GKAP1: variants seen among roughly 807,000 people sequenced by gnomAD.
GKAP1 encodes the protein G kinase-anchoring protein 1.
Under a neutral mutation model 56.7 loss-of-function variants are expected in GKAP1, and 31 were observed. The ratio of observed to expected loss-of-function variants is 0.55; its 90% CI spans 0.41 to 0.74. The LOEUF (loss-of-function observed/expected upper bound fraction) is 0.74. GKAP1 is among the 30% of genes least tolerant of loss of function. GKAP1 has a pLI of 0.00. For synonymous variants in GKAP1, 151 were observed against 138.6 expected (o/e 1.09, Z -0.63); for missense variants, 364 against 402.3 (o/e 0.90, Z 0.82).
chr9:83,751,471 C>T (rs1278436664), intron 9 of GKAP1, among the ~76,000 whole-genome samples: 1 of 151,622 alleles, frequency 6.6e-6, no homozygotes, highest in Non-Finnish European at 1.5e-5. Flanking sequence ...TTCTCTGTGT[C>T]TAGTACAAAA....
intron 8 of GKAP1, among the ~76,000 whole-genome samples, chr9:83,762,534 CAGAAAT>C (rs1943591359): frequency 6.6e-6 from 1 of 152,210 alleles, no homozygotes; most frequent in African/African-American, 2.4e-5. Flanking sequence ...ACATTCTTCA[CAGAAAT>C]AGAAAAACAA....
chr9:83,802,926 G>C (rs1944355718), intron 3 of GKAP1, among the ~76,000 whole-genome samples: 1 of 151,852 alleles, frequency 6.6e-6, no homozygotes, highest in Admixed American at 6.6e-5. Context: ...TGAGCAACAT[G>C]ATGAAACCCT....
chr9:83,817,394 C>T (rs1247351092), intron 1 of GKAP1, 123 bp downstream of exon 1: 3 of 151,782 alleles, frequency 2.0e-5, no homozygotes, highest in African/African-American at 7.2e-5. Flanking sequence ...GGGCCCGTCG[C>T]CTCAGGCCGA....
chr9:83,752,904 C>G (rs1379115494), intron 9 of GKAP1, among the ~76,000 whole-genome samples: 1 of 151,860 alleles, frequency 6.6e-6, no homozygotes, highest in African/African-American at 2.4e-5. Context: ...AACTCTGTCT[C>G]TACTAAAAAT....
chr9:83,741,888 CA>C, intron 12 of GKAP1, 63 bp downstream of exon 12: 2 of 969,376 alleles, frequency 2.1e-6, no homozygotes, highest in Admixed American at 4.9e-5. Flanking sequence ...CATTTATTCT[CA>C]CACAGTATCT....
At chr9:83,784,902 G>A (rs1944038738) in intron 5 of GKAP1, 64 bp from the exon 6 acceptor site, 8 of 1,187,336 alleles carry the variant, frequency 6.7e-6, no homozygotes, top group East Asian at 2.7e-5. Context: ...CTCACCAACA[G>A]GTAATATGTT....
In GKAP1 at chr9:83,741,980, A is replaced by G; in HGVS notation, c.1025T>C (p.Val342Ala). The G allele has an allele frequency of 2.5e-6, 4 of 1,593,476 alleles. No individual in the cohort carries two copies. The highest frequency in any genetic ancestry group is 3.4e-6 in the Non-Finnish European group (4 of 1,171,882). Residue 342 changes from valine (V) to alanine (A), a missense_variant, in exon 12 of 13, where the codon GTA becomes GCA. Physicochemically the swap from Val to Ala is moderately conservative, Grantham distance 64 (BLOSUM62 0). Coordinates refer to ENST00000376371, the MANE Select transcript of GKAP1 (RefSeq NM_025211.4). ...ALEQERSKVK[V>A]LQAELAKYQG... ...GTATTTGGCTAACTCTGCTTGTAAT[A>G]CTTTCACTTTAGATCTTTCTTGTTC...
intron 4 of GKAP1, among the ~76,000 whole-genome samples, chr9:83,796,385 T>G (rs1182052353): frequency 6.6e-6 from 1 of 152,242 alleles, no homozygotes; most frequent in Non-Finnish European, 1.5e-5. Context: ...TGGCTCAGCT[T>G]TCTTTAGTAG....
chr9:83,760,389 G>C (rs190953188), intron 8 of GKAP1, among the ~76,000 whole-genome samples: 10 of 152,216 alleles, frequency 6.6e-5, no homozygotes, highest in African/African-American at 2.4e-4. Context: ...TAGAGCTAAA[G>C]AGAGAGATGG....
At chr9:83,802,111 A>G (rs2131315498) in intron 3 of GKAP1, among the ~76,000 whole-genome samples, 1 of 152,340 alleles carries the variant, frequency 6.6e-6, no homozygotes, top group South Asian at 2.1e-4. Context: ...AACAATGGGC[A>G]TATTAAATGT....
chr9:83,808,950 A>C (rs1944473291), intron 2 of GKAP1, among the ~76,000 whole-genome samples: 1 of 152,252 alleles, frequency 6.6e-6, no homozygotes, highest in Non-Finnish European at 1.5e-5. Context: ...GCCAGATCTA[A>C]TAAAGTCTGC....
At chr9:83,777,979 G>A (rs577628993) in intron 7 of GKAP1, among the ~76,000 whole-genome samples, 7 of 151,874 alleles carry the variant, frequency 4.6e-5, no homozygotes, top group East Asian at 3.9e-4. Context: ...ACATAATTTC[G>A]GCATACTTTT....
intron 4 of GKAP1, among the ~76,000 whole-genome samples, chr9:83,795,588 CTTTTTTTTT>C (rs58291258): frequency 0.018 from 1,997 of 109,060 alleles, 27 homozygotes; most frequent in Non-Finnish European, 0.026. Flanking sequence ...CTGAGAGTGT[CTTTTTTTTT>C]TTTTTTTTTT....
At chr9:83,804,395 TGGGG>T (rs1247004275) in intron 3 of GKAP1, among the ~76,000 whole-genome samples, 1 of 46,922 alleles carries the variant, frequency 2.1e-5, no homozygotes, top group Non-Finnish European at 4.2e-5. Context: ...GGGAGGGAGG[TGGGG>T]GGGGTCAGCC....
chr9:83,764,980 T>C (rs1564195048), intron 8 of GKAP1, among the ~76,000 whole-genome samples: 2 of 152,176 alleles, frequency 1.3e-5, no homozygotes, highest in Non-Finnish European at 2.9e-5. Flanking sequence ...AGCAGCCAAA[T>C]GCTAATCACC....
At chr9:83,783,689 G>T (rs935242180) in intron 6 of GKAP1, among the ~76,000 whole-genome samples, 2 of 152,104 alleles carry the variant, frequency 1.3e-5, no homozygotes, top group African/African-American at 4.8e-5. Context: ...ACTTGAAGAG[G>T]CTGACCAACA....
At chr9:83,813,146 T>A (rs932689863) in intron 2 of GKAP1, among the ~76,000 whole-genome samples, 1 of 152,200 alleles carries the variant, frequency 6.6e-6, no homozygotes, top group African/African-American at 2.4e-5. Flanking sequence ...TTAGGATAAA[T>A]AGATTCAAAC....
chr9:83,742,813 A>G (rs1292758238), intron 10 of GKAP1, among the ~76,000 whole-genome samples: 2 of 152,192 alleles, frequency 1.3e-5, no homozygotes, highest in African/African-American at 4.8e-5. Flanking sequence ...AATTCTGATC[A>G]TCATCAGCAC....
chr9:83,793,010 C>T (rs1476647738), intron 4 of GKAP1: 29 of 1,277,810 alleles, frequency 2.3e-5, no homozygotes, highest in African/African-American at 3.1e-5. Flanking sequence ...TTGCCTCCTA[C>T]TCCCCATCTA....
Sources: allele counts gnomAD v4.1 joint callset (sites outside exome capture counted in the v4.1 genomes callset), GRCh38; gene constraint gnomAD v4.1.1; transcripts MANE v1.5; gene names NCBI Gene and HGNC (gene_info 2026-07-23, HGNC 2026-07-21).